The following HINT1 variants were observed in gnomAD, a reference collection of about 807,000 sequenced individuals.
HINT1 encodes histidine triad nucleotide binding protein 1, also known as adenosine 5'-monophosphoramidase HINT1.
Under a neutral mutation model 11.2 loss-of-function variants are expected in HINT1, and 12 were observed. The observed-to-expected ratio is 1.07, with a 90% CI of 0.69 to 1.74. HINT1 has a LOEUF of 1.74. HINT1 is among the 40% of genes most tolerant of loss of function. HINT1 has a pLI of 0.00. For missense variants in HINT1, 150 were observed against 161.8 expected (o/e 0.93, Z 0.40); for synonymous variants, 42 against 52.6 (o/e 0.80, Z 0.87).
At chr5:131,162,867 TCA>T (rs1417289657) in intron 1 of HINT1, among the ~76,000 whole-genome samples, 191 bp from the exon 2 acceptor site, 2 of 151,758 alleles carry the variant, frequency 1.3e-5, no homozygotes, top group African/African-American at 2.4e-5. Context: ...AGATGGAATC[TCA>T]CTCTGTCACC....
chr5:131,159,464 G>A lies in HINT1; in HGVS notation c.364C>T (p.His122Tyr), dbSNP rs866487321. The A allele has an allele frequency of 1.9e-6, 3 of 1,612,142 alleles. No individual in the cohort carries two copies. The African/African-American group carries it at 4.0e-5, about 22-fold the overall frequency. The stretch of plus-strand genomic sequence containing the variant: ...AAACGTGCTTAACCAGGAGGCCAAT[G>A]CATTTGCCGACCTCCAAGAACATGG... ...HLHVLGGRQMHWPPG is the reference protein window; with the variant it reads ...HLHVLGGRQMYWPPG The change falls in exon 3 of 3, where the codon CAT becomes TAT. Residue 122 changes from histidine (H) to tyrosine (Y), a missense_variant. Transcript: ENST00000304043.
chr5:131,164,624 C>T (rs941993564), intron 1 of HINT1, among the ~76,000 whole-genome samples: 2 of 152,214 alleles, frequency 1.3e-5, no homozygotes, highest in Admixed American at 1.3e-4. Context: ...TGCTGAGCAG[C>T]GCCCAGGAAC....
intron 1 of HINT1, 37 bp downstream of exon 1, chr5:131,165,057 CA>C (rs1303107964): frequency 8.7e-6 from 14 of 1,612,626 alleles, no homozygotes; most frequent in Admixed American, 6.7e-5. Context: ...GGACGATACC[CA>C]CCTCAGCAGG....
At chr5:131,164,938 G>GC in intron 1 of HINT1, 157 bp downstream of exon 1, 1 of 1,077,188 alleles carries the variant, frequency 9.3e-7, no homozygotes, top group Non-Finnish European at 1.3e-6. Flanking sequence ...GAGTGCCCGG[G>GC]CCCTGTCCGC....
chr5:131,161,195 AT>A (rs898776082), intron 2 of HINT1, among the ~76,000 whole-genome samples: 1 of 152,232 alleles, frequency 6.6e-6, no homozygotes, highest in African/African-American at 2.4e-5. Context: ...CTAATTTAGA[AT>A]GTTAACTGAG....
intron 2 of HINT1, chr5:131,160,654 A>T (rs966416537): frequency 1.7e-6 from 2 of 1,163,422 alleles, no homozygotes; most frequent in Non-Finnish European, 2.2e-6. Context: ...GACTCTGCTT[A>T]CCTTACTCAT....
At chr5:131,163,765 C>T (rs573484603) in intron 1 of HINT1, among the ~76,000 whole-genome samples, 31 of 152,312 alleles carry the variant, frequency 2.0e-4, no homozygotes, top group Admixed American at 5.2e-4. Flanking sequence ...AAAACAGTGT[C>T]TGTAAATACA....
intron 2 of HINT1, among the ~76,000 whole-genome samples, chr5:131,161,806 T>G (rs570203669): frequency 6.6e-6 from 1 of 152,282 alleles, no homozygotes; most frequent in South Asian, 2.1e-4. Flanking sequence ...AACTGACCCT[T>G]GCACAACATG....
At chr5:131,164,269 A>C (rs993881149) in intron 1 of HINT1, among the ~76,000 whole-genome samples, 1 of 152,232 alleles carries the variant, frequency 6.6e-6, no homozygotes, top group African/African-American at 2.4e-5. Context: ...TTTACACAAG[A>C]TATCTCAAAG....
In HINT1 at chr5:131,162,572, A is replaced by T. The variant is rs780762280; in HGVS notation, c.216T>A (p.Ser72Arg). ...TAAATCATGTTAGAAATGTACTTAC[A>T]CTTTCATCATCATCTTCTGCCACAG... ...QISVAEDDDE[S>R]LLGHLMIVGK... is the part of the protein sequence containing the mutation. Residue 72 changes from serine to arginine, a missense_variant and splice_region_variant, in exon 2 of 3, where the codon AGT (serine) becomes AGA (arginine). Ser to Arg is a moderately radical substitution (Grantham distance 110). Coordinates refer to ENST00000304043, the MANE Select transcript of HINT1 (RefSeq NM_005340.7). The T allele has an allele frequency of 3.1e-6, 5 of 1,608,000 alleles. No homozygotes were observed. The highest frequency in any genetic ancestry group is 4.3e-6 in the Non-Finnish European group (5 of 1,174,590).
chr5:131,162,248 G>A lies in HINT1; in HGVS notation c.216+324C>T, dbSNP rs1755270645. 14 of 599,120 alleles carry A rather than the reference G, an allele frequency of 2.3e-5. No homozygotes were observed. The South Asian group carries it at 2.9e-4, about 13-fold the overall frequency. The allele number at this position is 599,120 out of a possible 1,614,324, so 37.1% of individuals were successfully genotyped here. On this transcript the variant is annotated intron_variant, in intron 2 of 2. Coordinates refer to ENST00000304043, the MANE Select transcript of HINT1 (RefSeq NM_005340.7). Reference sequence around the variant, plus strand: ...TGAGGCAGGAGAATGGTGTGAACCAGGGAGGTGGAGCTTGCAGTGAGCCGA... The same window carrying A: ...TGAGGCAGGAGAATGGTGTGAACCAAGGAGGTGGAGCTTGCAGTGAGCCGA...
At chr5:131,163,602 A>G (rs1247179071) in intron 1 of HINT1, among the ~76,000 whole-genome samples, 1 of 149,122 alleles carries the variant, frequency 6.7e-6, no homozygotes, top group Non-Finnish European at 1.5e-5. Context: ...TTTTTTCTTT[A>G]TGATAGCAAT....
rs1007779916 is a variant in HINT1, at chr5:131,165,084, C to T, written c.111+11G>A. Reference sequence around the variant, plus strand: ...CCTCAGCAGGCGAGAGAGGTGGTGCCCAGTACCTACCCGGTCATCCTCAAA... The same window carrying T: ...CCTCAGCAGGCGAGAGAGGTGGTGCTCAGTACCTACCCGGTCATCCTCAAA... On this transcript the variant is annotated intron_variant, in intron 1 of 2. Transcript: ENST00000304043. 1.9e-6 allele frequency: 3 copies of T among 1,613,498 alleles called. No individual in the cohort carries two copies. In the African/African-American group the frequency reaches 4.0e-5, roughly 22 times the overall value.
intron 1 of HINT1, among the ~76,000 whole-genome samples, chr5:131,163,619 T>C (rs568436572): frequency 6.6e-6 from 1 of 152,292 alleles, no homozygotes; most frequent in African/African-American, 2.4e-5. Flanking sequence ...CAATCAGTTT[T>C]GTAACTACAT....
At chr5:131,164,932 G>A in intron 1 of HINT1, 163 bp downstream of exon 1, 3 of 1,014,582 alleles carry the variant, frequency 3.0e-6, no homozygotes, top group Non-Finnish European at 4.2e-6. Flanking sequence ...GCCTCGGAGT[G>A]CCCGGGCCCT....
At position 131,162,824 on chromosome 5, in the gene HINT1, G is replaced by T. The variant is rs189050638; in HGVS notation, c.112-148C>A. 219 of 592,186 alleles carry T rather than the reference G, an allele frequency of 3.7e-4. No individual in the cohort carries two copies. The African/African-American group carries it at 3.8e-3, about 10-fold the overall frequency. 36.7% of individuals were successfully genotyped at this position (592,186 alleles called of 1,614,324 possible). A position where few individuals can be genotyped will look rare whatever the true frequency, so the allele number is the denominator to read the frequency against. ...AAGTGTACACATTACGAATGGTGCC[G>T]TGGTCCTTTCCATGGAAGTCTTTTT... On this transcript the variant is annotated intron_variant, in intron 1 of 2. Coordinates refer to ENST00000304043, the MANE Select transcript of HINT1 (RefSeq NM_005340.7).
At chr5:131,159,699 C>A in intron 2 of HINT1, 88 bp from the exon 3 acceptor site, 1 of 1,246,880 alleles carries the variant, frequency 8.0e-7, no homozygotes. Flanking sequence ...AATATCAAAT[C>A]TTAAAACTCT....
At chr5:131,163,003 A>G (rs752542015) in intron 1 of HINT1, among the ~76,000 whole-genome samples, 1 of 151,952 alleles carries the variant, frequency 6.6e-6, no homozygotes, top group Non-Finnish European at 1.5e-5. Flanking sequence ...ATGCCCAGCT[A>G]ATTTTTGTGT....
intron 1 of HINT1, among the ~76,000 whole-genome samples, chr5:131,163,194 A>G (rs1047838899): frequency 3.3e-5 from 5 of 152,238 alleles, no homozygotes; most frequent in African/African-American, 1.2e-4. Flanking sequence ...AAGGTCATAC[A>G]TGTTACAAAG....
Sources: allele counts gnomAD v4.1 joint callset (sites outside exome capture counted in the v4.1 genomes callset), GRCh38; gene constraint gnomAD v4.1.1; transcripts MANE v1.5; gene names NCBI Gene and HGNC (gene_info 2026-07-23, HGNC 2026-07-21).